The following NUDT6 variants were observed in gnomAD, a reference collection of about 807,000 sequenced individuals.
NUDT6 encodes the protein FAD diphosphatase NUDT6.
NUDT6 carries 24 observed loss-of-function variants against 36.8 expected under a neutral mutation model. The ratio of observed to expected loss-of-function variants is 0.65; its 90% CI spans 0.47 to 0.92. The LOEUF (loss-of-function observed/expected upper bound fraction) is 0.92, where lower values mean the gene tolerates loss of function less well. NUDT6 is among the 40% of genes least tolerant of loss of function. NUDT6 has a pLI of 0.00. For missense variants in NUDT6, 388 were observed against 392.8 expected (o/e 0.99, Z 0.10); for synonymous variants, 163 against 157.0 (o/e 1.04, Z -0.29).
At chr4:122,922,726 G>T (rs1578506399), upstream of NUDT6, 1 of 667,532 alleles carries the variant, frequency 1.5e-6, no homozygotes, top group Non-Finnish European at 2.5e-6. Context: ...ACCGCGAAGT[G>T]GTCCACCAGC....
At chr4:122,915,438 C>G (rs1453244967) in intron 2 of NUDT6, among the ~76,000 whole-genome samples, 1 of 136,660 alleles carries the variant, frequency 7.3e-6, no homozygotes, top group Non-Finnish European at 1.5e-5. Context: ...ACACTGCATT[C>G]CAGCCTGGGT....
intron 2 of NUDT6, among the ~76,000 whole-genome samples, chr4:122,917,010 T>G (rs1727859285): frequency 6.6e-6 from 1 of 152,148 alleles, no homozygotes; most frequent in Non-Finnish European, 1.5e-5. Context: ...TTTCATCACA[T>G]TACTCAGAAC....
intron 3 of NUDT6, among the ~76,000 whole-genome samples, chr4:122,900,539 G>C (rs1218263607): frequency 6.6e-6 from 1 of 150,378 alleles, no homozygotes; most frequent in Non-Finnish European, 1.5e-5. Context: ...CCACTTTAGA[G>C]GTGATGAAAC....
intron 3 of NUDT6, among the ~76,000 whole-genome samples, chr4:122,907,184 G>GC (rs1727632689): frequency 6.6e-6 from 1 of 152,120 alleles, no homozygotes; most frequent in South Asian, 2.1e-4. Flanking sequence ...TGGCTGGAGG[G>GC]CAGTGGCATG....
chr4:122,898,975 G>A (rs1200308515), intron 3 of NUDT6, among the ~76,000 whole-genome samples: 1 of 149,946 alleles, frequency 6.7e-6, no homozygotes, highest in Non-Finnish European at 1.5e-5. Flanking sequence ...TGACCTGCCT[G>A]GGCTCAGGTG....
At chr4:122,897,910 G>A in intron 3 of NUDT6, 1 of 500,404 alleles carries the variant, frequency 2.0e-6, no homozygotes, top group Non-Finnish European at 3.6e-6. Context: ...AATATAAGTG[G>A]TTTTGTTTGG....
At chr4:122,903,024 A>G (rs1727554651) in intron 3 of NUDT6, among the ~76,000 whole-genome samples, 1 of 152,186 alleles carries the variant, frequency 6.6e-6, no homozygotes, top group East Asian at 1.9e-4. Flanking sequence ...AATTTATTAA[A>G]CATTAAATAT....
At chr4:122,902,984 TAAGTA>T (rs1727553988) in intron 3 of NUDT6, among the ~76,000 whole-genome samples, 1 of 152,140 alleles carries the variant, frequency 6.6e-6, no homozygotes, top group Non-Finnish European at 1.5e-5. Context: ...TTGTTTATAA[TAAGTA>T]AATAAGTATA....
Position 122,917,518 on chromosome 4 carries a change from T to G in NUDT6, c.425A>C (p.His142Pro). The change falls in exon 2 of 5, where the codon CAT becomes CCT. Residue 142 changes from histidine (H) to proline (P), a missense_variant. Physicochemically the swap from His to Pro is moderately conservative, Grantham distance 77. Coordinates refer to ENST00000304430, the MANE Select transcript of NUDT6 (RefSeq NM_007083.5). ...AAACTGACCTGCAACTCCTACTTGATGTGAAGCATATCCTGGTAATCTGCT... is the reference window on the plus strand; with the variant it reads ...AAACTGACCTGCAACTCCTACTTGAGGTGAAGCATATCCTGGTAATCTGCT... ...GPSRLPGYAS[H>P]QVGVAGAVFD... The G allele has an allele frequency of 6.2e-7, 1 of 1,614,152 alleles. No homozygotes were observed. Among genetic ancestry groups the G allele is most frequent in the African/African-American group, 1.3e-5 (1 of 75,054 alleles).
At chr4:122,899,474 A>G (rs1483157758) in intron 3 of NUDT6, among the ~76,000 whole-genome samples, 4 of 152,160 alleles carry the variant, frequency 2.6e-5, no homozygotes, top group Non-Finnish European at 5.9e-5. Flanking sequence ...TAAAATGCTT[A>G]CTTCTCCCCT....
intron 2 of NUDT6, among the ~76,000 whole-genome samples, chr4:122,917,235 T>C (rs1727862828): frequency 6.6e-6 from 1 of 152,196 alleles, no homozygotes; most frequent in Admixed American, 6.5e-5. Flanking sequence ...TCTCTTACTG[T>C]GCCTAACTTA....
At chr4:122,898,544 C>G (rs1727436394) in intron 3 of NUDT6, among the ~76,000 whole-genome samples, 1 of 152,054 alleles carries the variant, frequency 6.6e-6, no homozygotes, top group African/African-American at 2.4e-5. Context: ...TACTGGTTTG[C>G]TTTGTGACAC....
In NUDT6 at chr4:122,904,801, G is replaced by T. The variant is rs574784035; in HGVS notation, c.499-7123C>A. Among the ~76,000 whole-genome samples, 4 of 152,276 alleles carry T rather than the reference G, an allele frequency of 2.6e-5. No homozygotes were observed. The East Asian group carries it at 7.7e-4, about 29-fold the overall frequency. ...TTAACCTTTTTGGTTGACTTTCCCA[G>T]TCTGTGAAATGAGGACAGGTTGCTA... On this transcript the variant is annotated intron_variant, in intron 3 of 4. Transcript: ENST00000304430.
At chr4:122,911,443 T>G (rs1034431614) in intron 3 of NUDT6, among the ~76,000 whole-genome samples, 1 of 152,178 alleles carries the variant, frequency 6.6e-6, no homozygotes, top group Admixed American at 6.5e-5. Flanking sequence ...CCGTTACATA[T>G]ATATGTCCCA....
intron 3 of NUDT6, among the ~76,000 whole-genome samples, chr4:122,907,793 C>T (rs1370801648): frequency 6.6e-6 from 1 of 152,064 alleles, no homozygotes; most frequent in African/African-American, 2.4e-5. Context: ...ACGGATTCAC[C>T]CAAATTCTTT....
chr4:122,903,445 G>C (rs1578492920), intron 3 of NUDT6, among the ~76,000 whole-genome samples: 1 of 152,188 alleles, frequency 6.6e-6, no homozygotes, highest in Non-Finnish European at 1.5e-5. Flanking sequence ...CTTTACATCA[G>C]AATCACCTGG....
At chr4:122,922,616 C>A, upstream of NUDT6, 1 of 1,513,094 alleles carries the variant, frequency 6.6e-7, no homozygotes, top group Non-Finnish European at 9.0e-7. Context: ...GACCCCTCCG[C>A]GCTCCAGAGC....
Position 122,892,590 on chromosome 4 carries a change from C to A in NUDT6, c.*238G>T, listed in dbSNP as rs1727216937. ...TAACAAAAGTTGTAAAATGTATATT[C>A]TCCCTTTTATATTGCATCTGCTGTT... On this transcript the variant is annotated 3_prime_UTR_variant, in exon 5 of 5. Coordinates refer to ENST00000304430, the MANE Select transcript of NUDT6 (RefSeq NM_007083.5). The A allele has an allele frequency of 4.9e-6, 7 of 1,441,092 alleles. No individual in the cohort carries two copies. Among genetic ancestry groups the A allele is most frequent in the Non-Finnish European group, 6.3e-6 (7 of 1,102,372 alleles). The allele number at this position is 1,441,092 out of a possible 1,614,324, so 89.3% of individuals were successfully genotyped here.
At chr4:122,903,648 G>T (rs532127672) in intron 3 of NUDT6, among the ~76,000 whole-genome samples, 1 of 152,284 alleles carries the variant, frequency 6.6e-6, no homozygotes, top group Admixed American at 6.5e-5. Flanking sequence ...TGCTTTGCCA[G>T]CTGACTCCCT....
Sources: gnomAD v4.1 joint callset for allele counts (sites outside exome capture counted in the v4.1 genomes callset) on GRCh38, gnomAD v4.1.1 for gene constraint, MANE v1.5 for transcripts, NCBI Gene and HGNC (gene_info 2026-07-23, HGNC 2026-07-21) for gene names.